The following NXN variants were observed in gnomAD, a reference collection of about 807,000 sequenced individuals.
The protein encoded by NXN is nucleoredoxin, also known as nucleoredoxin 1.
NXN carries 16 observed loss-of-function variants against 48.6 expected under a neutral mutation model. That is an observed-to-expected ratio of 0.33 (90% CI 0.22 to 0.50). The LOEUF is 0.50. Ranked by LOEUF, NXN falls within the 20% of genes least tolerant of loss-of-function variation. NXN has a pLI of 0.98. For missense variants in NXN, 492 were observed against 605.5 expected (o/e 0.81, Z 1.97); for synonymous variants, 281 against 269.6 (o/e 1.04, Z -0.41).
chr17:885,672 CTTTTT>C (rs532225883), intron 1 of NXN, among the ~76,000 whole-genome samples: 1,067 of 83,390 alleles, frequency 0.013, no homozygotes, highest in African/African-American at 0.024. Context: ...GCGGTACTCG[CTTTTT>C]TTTTTTTTTT....
At chr17:891,202 A>T (rs1415525787) in intron 1 of NXN, among the ~76,000 whole-genome samples, 1 of 152,010 alleles carries the variant, frequency 6.6e-6, no homozygotes, top group Non-Finnish European at 1.5e-5. Context: ...AGCCTCCCGA[A>T]TGGCTGGGAC....
intron 1 of NXN, among the ~76,000 whole-genome samples, chr17:839,805 A>AAAAAAAAAAAAAAAAAAAAAAAG (rs1567826433): frequency 7.0e-6 from 1 of 142,926 alleles, no homozygotes; most frequent in Non-Finnish European, 1.5e-5. Flanking sequence ...GTTAAAAAAA[A>AAAAAAAAAAAAAAAAAAAAAAAG]AAAAAAAAAG....
At chr17:899,210 G>A (rs562566636) in intron 1 of NXN, among the ~76,000 whole-genome samples, 8 of 152,094 alleles carry the variant, frequency 5.3e-5, no homozygotes, top group South Asian at 2.1e-4. Context: ...CACCCGCCTC[G>A]GCCTCCCAAA....
intron 7 of NXN, among the ~76,000 whole-genome samples, chr17:803,005 A>C (rs1167409088): frequency 6.6e-6 from 1 of 152,180 alleles, no homozygotes; most frequent in Non-Finnish European, 1.5e-5. Context: ...GGAGGAGCTC[A>C]AGAATGAGAG....
chr17:929,203 G>T (rs2068829847), intron 1 of NXN, among the ~76,000 whole-genome samples: 1 of 152,226 alleles, frequency 6.6e-6, no homozygotes, highest in Non-Finnish European at 1.5e-5. Flanking sequence ...GGTGAGCGCC[G>T]GCTTTCCCCG....
intron 1 of NXN, among the ~76,000 whole-genome samples, chr17:828,559 G>A (rs1913268125): frequency 6.7e-6 from 1 of 150,200 alleles, no homozygotes; most frequent in South Asian, 2.1e-4. Context: ...CCACCTCCAC[G>A]TCCAGCTAAT....
chr17:820,912 A>G lies in NXN; in HGVS notation c.714-1367T>C, dbSNP rs1431759469. On this transcript the variant is annotated intron_variant, in intron 4 of 7. Coordinates refer to ENST00000336868, the MANE Select transcript of NXN (RefSeq NM_022463.5). Reference sequence around the variant, plus strand: ...GCACTCTAGCCTAGGCAACAGAGCGAGACTCCACCTAAAAAAAAAAAAAAA... The same window carrying G: ...GCACTCTAGCCTAGGCAACAGAGCGGGACTCCACCTAAAAAAAAAAAAAAA... Among the ~76,000 whole-genome samples the G allele has an allele frequency of 3.2e-5, 2 of 63,238 alleles. 1 individual carries two copies. Among genetic ancestry groups the G allele is most frequent in the Non-Finnish European group, 5.7e-5 (2 of 35,352 alleles). 41.5% of individuals were successfully genotyped at this position (63,238 alleles called of 152,430 possible).
chr17:829,451 G>A (rs980682247), intron 1 of NXN, among the ~76,000 whole-genome samples: 6 of 145,956 alleles, frequency 4.1e-5, no homozygotes, highest in African/African-American at 1.0e-4. Context: ...CACCGTGCTC[G>A]GACTATCTTT....
chr17:874,791 A>G (rs933295558), intron 1 of NXN, among the ~76,000 whole-genome samples: 1 of 152,226 alleles, frequency 6.6e-6, no homozygotes, highest in Admixed American at 6.5e-5. Flanking sequence ...AGACTAATGC[A>G]GCTCCCAGGC....
intron 5 of NXN, among the ~76,000 whole-genome samples, chr17:813,720 G>A (rs1912304317): frequency 6.6e-6 from 1 of 152,122 alleles, no homozygotes; most frequent in Non-Finnish European, 1.5e-5. Context: ...TGTAATCCCA[G>A]CACTTTGGGA....
chr17:891,072 C>CT (rs2068411465), intron 1 of NXN, among the ~76,000 whole-genome samples: 1 of 151,880 alleles, frequency 6.6e-6, no homozygotes, highest in Non-Finnish European at 1.5e-5. Context: ...TCCACCCATC[C>CT]GTCTGTCCGT....
intron 1 of NXN, among the ~76,000 whole-genome samples, chr17:963,721 A>T (rs2069266753): frequency 6.6e-6 from 1 of 152,164 alleles, no homozygotes; most frequent in South Asian, 2.1e-4. Flanking sequence ...TTCTGGAAAA[A>T]CATACCAGAC....
At chr17:912,963 G>A (rs1387736849) in intron 1 of NXN, among the ~76,000 whole-genome samples, 1 of 151,986 alleles carries the variant, frequency 6.6e-6, no homozygotes, top group East Asian at 1.9e-4. Context: ...GGAGAAAAGA[G>A]AAAGGAAAGG....
intron 1 of NXN, among the ~76,000 whole-genome samples, chr17:935,810 A>C (rs1215456723): frequency 6.6e-6 from 1 of 152,038 alleles, no homozygotes; most frequent in Non-Finnish European, 1.5e-5. Flanking sequence ...CCTGCAGCCT[A>C]GGCCGGGCGC....
At chr17:938,342 C>A (rs2068932341) in intron 1 of NXN, among the ~76,000 whole-genome samples, 1 of 152,224 alleles carries the variant, frequency 6.6e-6, no homozygotes, top group African/African-American at 2.4e-5. Flanking sequence ...AGTGAGCTGG[C>A]CACAAACACA....
chr17:947,405 G>T (rs1421984896), intron 1 of NXN, among the ~76,000 whole-genome samples: 1 of 152,114 alleles, frequency 6.6e-6, no homozygotes, highest in Non-Finnish European at 1.5e-5. Context: ...GTACCCACAG[G>T]TTCTACATCC....
At chr17:941,455 A>G (rs1174694478) in intron 1 of NXN, among the ~76,000 whole-genome samples, 4 of 133,204 alleles carry the variant, frequency 3.0e-5, no homozygotes, top group East Asian at 2.4e-4. Flanking sequence ...AACTCACATC[A>G]CACCTTCCTG....
At chr17:855,260 A>T (rs557928433) in intron 1 of NXN, among the ~76,000 whole-genome samples, 4 of 152,224 alleles carry the variant, frequency 2.6e-5, no homozygotes, top group African/African-American at 9.6e-5. Flanking sequence ...CTTGAGCTAC[A>T]GAGCGAGACG....
At chr17:963,699 T>C (rs1309572639) in intron 1 of NXN, among the ~76,000 whole-genome samples, 1 of 152,200 alleles carries the variant, frequency 6.6e-6, no homozygotes, top group Non-Finnish European at 1.5e-5. Context: ...ATGCAGTATA[T>C]GCCTATTCTT....
Sources: gnomAD v4.1 joint callset for allele counts (sites outside exome capture counted in the v4.1 genomes callset) on GRCh38, gnomAD v4.1.1 for gene constraint, MANE v1.5 for transcripts, NCBI Gene and HGNC (gene_info 2026-07-23, HGNC 2026-07-21) for gene names.